The following ACACB variants were observed in gnomAD, a reference collection of about 807,000 sequenced individuals.
ACACB encodes acetyl-CoA carboxylase beta.
In ACACB, 209 loss-of-function variants were observed where a neutral mutation model predicts 278.8. The ratio of observed to expected loss-of-function variants is 0.75; its 90% CI spans 0.67 to 0.84. ACACB has a LOEUF of 0.84. Among genes scored for constraint, ACACB ranks in the 40% least tolerant of loss-of-function variants. ACACB has a pLI of 0.00. For synonymous variants in ACACB, 1,174 were observed against 1,285.6 expected (o/e 0.91, Z 1.86); for missense variants, 2,850 against 3,269.0 (o/e 0.87, Z 3.13).
chr12:109,167,258 GA>G, intron 3 of ACACB: 1 of 391,598 alleles, frequency 2.6e-6, no homozygotes, highest in South Asian at 3.3e-5. Flanking sequence ...TGTTAAGGGT[GA>G]TCACAATGAC....
In ACACB at chr12:109,249,587, G is replaced by A. The variant is rs370589721; in HGVS notation, c.5670-397G>A. The A allele has an allele frequency of 2.2e-3, 346 of 155,544 alleles. 1 individual carries two copies. Among genetic ancestry groups the A allele is most frequent in the African/African-American group, 8.1e-3 (336 of 41,558 alleles). 9.6% of individuals were successfully genotyped at this position (155,544 alleles called of 1,614,324 possible). On this transcript the variant is annotated intron_variant, in intron 40 of 52. Transcript: ENST00000338432. ...GCTCACTGCAACCTCCACTTCCCAG[G>A]TTCAAGCGATTCTTCTGCCTCAGCT...
chr12:109,221,660 C>A (rs1403898429), intron 24 of ACACB, among the ~76,000 whole-genome samples: 1 of 152,072 alleles, frequency 6.6e-6, no homozygotes, highest in Non-Finnish European at 1.5e-5. Context: ...GCTTTGGGGG[C>A]AGAATAGTGC....
At chr12:109,156,049 G>A (rs1428849472) in intron 2 of ACACB, among the ~76,000 whole-genome samples, 2 of 152,048 alleles carry the variant, frequency 1.3e-5, no homozygotes. Context: ...CCTTTAAATG[G>A]GTGCACCTTA....
intron 2 of ACACB, 141 bp downstream of exon 2, chr12:109,140,199 C>T (rs1263263686): frequency 1.4e-5 from 10 of 693,628 alleles, no homozygotes; most frequent in Non-Finnish European, 2.1e-5. Flanking sequence ...GGAGAAGACA[C>T]GAGCCTTCTC....
At chr12:109,158,934 C>T (rs570414083) in intron 2 of ACACB, among the ~76,000 whole-genome samples, 29 of 152,186 alleles carry the variant, frequency 1.9e-4, no homozygotes, top group African/African-American at 5.8e-4. Context: ...GAGATCACAC[C>T]GCTGCACTCC....
At chr12:109,200,624 T>G (rs2045303691) in intron 18 of ACACB, among the ~76,000 whole-genome samples, 1 of 152,120 alleles carries the variant, frequency 6.6e-6, no homozygotes, top group African/African-American at 2.4e-5. Context: ...ATTTTACTGA[T>G]CTTTATTTTT....
At chr12:109,215,203 A>G (rs1441318130) in intron 22 of ACACB, among the ~76,000 whole-genome samples, 1 of 152,034 alleles carries the variant, frequency 6.6e-6, no homozygotes, top group Non-Finnish European at 1.5e-5. Context: ...TGGGTAAGTA[A>G]TTGAAAAATT....
chr12:109,148,064 G>C (rs1565863234), intron 2 of ACACB, among the ~76,000 whole-genome samples: 1 of 152,152 alleles, frequency 6.6e-6, no homozygotes, highest in East Asian at 1.9e-4. Flanking sequence ...GGCTGGCTGA[G>C]AATATGAATC....
At position 109,176,169 on chromosome 12, in the gene ACACB, G is replaced by C. The variant is rs1268989078; in HGVS notation, c.1343G>C (p.Gly448Ala). ...DEGLEAAERI[G>A]FPLMIKASEG... ...TGCACCCAGGCAGCAGAAAGAATTG[G>C]TTTTCCATTGATGATCAAAGCTTCT... is the stretch of plus-strand genomic sequence containing the variant. Residue 448 changes from glycine (G) to alanine (A), a missense_variant, in exon 9 of 53, where the codon GGT (glycine) becomes GCT (alanine). Gly to Ala is a moderately conservative substitution (Grantham distance 60, BLOSUM62 0). Around this residue, in one of 3 missense-constraint regions of ACACB, gnomAD observed 2,265 missense variants for 2,561.3 expected, o/e 0.88. Transcript: ENST00000338432. The C allele has an allele frequency of 1.9e-6, 3 of 1,614,092 alleles. No individual in the cohort carries two copies. The highest frequency in any genetic ancestry group is 2.5e-6 in the Non-Finnish European group (3 of 1,180,064).
chr12:109,220,613 G>A (rs370512027), intron 24 of ACACB, among the ~76,000 whole-genome samples: 2 of 152,094 alleles, frequency 1.3e-5, no homozygotes, highest in Admixed American at 1.3e-4. Flanking sequence ...GTGCAGTGGC[G>A]CAATCTCGGC....
At chr12:109,123,042 G>T (rs972079531) in intron 1 of ACACB, among the ~76,000 whole-genome samples, 1 of 151,938 alleles carries the variant, frequency 6.6e-6, no homozygotes, top group Non-Finnish European at 1.5e-5. Context: ...TTAGCCGGGC[G>T]TGGTGGCAGG....
At chr12:109,249,524 C>G (rs572916762) in intron 40 of ACACB, 1 of 152,496 alleles carries the variant, frequency 6.6e-6, no homozygotes, top group Non-Finnish European at 1.5e-5. Flanking sequence ...CAGAATCCCG[C>G]TCTGTCACCC....
chr12:109,199,570 C>A lies in ACACB; in HGVS notation c.2778+18C>A. 1 of 1,420,154 alleles carries A rather than the reference C, an allele frequency of 7.0e-7. No homozygotes were observed. The highest frequency in any genetic ancestry group is 9.3e-7 in the Non-Finnish European group (1 of 1,076,932). The allele number at this position is 1,420,154 out of a possible 1,614,324, so 88.0% of individuals were successfully genotyped here. A position where few individuals can be genotyped will look rare whatever the true frequency, so the allele number is the denominator to read the frequency against. On this transcript the variant is annotated intron_variant, in intron 18 of 52. Transcript: ENST00000338432. The stretch of plus-strand genomic sequence containing the variant: ...AGATGGAGGTGACTGCAGAGCCGGC[C>A]GTGGGGAATCCTGAACCCTCAAACT...
chr12:109,256,289 G>A lies in ACACB; in HGVS notation c.6263+53G>A, dbSNP rs116205870. ...CCATGTCTGACTCACCAGGCATTGG[G>A]GCCCCGAGGTGTGAGGCCAGGGACC... is the stretch of plus-strand genomic sequence containing the variant. On this transcript the variant is annotated intron_variant, in intron 45 of 52. Transcript: ENST00000338432. 2,501 of 1,524,584 alleles carry A rather than the reference G, an allele frequency of 1.6e-3. 32 individuals carry two copies. The African/African-American group carries it at 0.027, about 16-fold the overall frequency. 94.4% of individuals were successfully genotyped at this position (1,524,584 alleles called of 1,614,324 possible).
At position 109,206,971 on chromosome 12, in the gene ACACB, T is replaced by G. The variant is rs532801454; in HGVS notation, c.3060+115T>G. On this transcript the variant is annotated intron_variant, in intron 20 of 52. Transcript: ENST00000338432. Reference sequence around the variant, plus strand: ...AATGAGAAAATGGTCGGTCCTCTGTTGTTTTTATTTTATTTATTTTATTTT... The same window carrying G: ...AATGAGAAAATGGTCGGTCCTCTGTGGTTTTTATTTTATTTATTTTATTTT... 3 of 1,237,220 alleles carry G rather than the reference T, an allele frequency of 2.4e-6. No homozygotes were observed. In the African/African-American group the frequency reaches 4.6e-5, roughly 19 times the overall value. The allele number at this position is 1,237,220 out of a possible 1,614,324, so 76.6% of individuals were successfully genotyped here.
intron 16 of ACACB, among the ~76,000 whole-genome samples, chr12:109,194,282 A>G (rs1455194388): frequency 6.6e-6 from 1 of 151,972 alleles, no homozygotes; most frequent in Non-Finnish European, 1.5e-5. Flanking sequence ...TGCAACCTCC[A>G]TCTCCCAGGT....
chr12:109,265,290 G>C lies in ACACB; in HGVS notation c.7113+10G>C, dbSNP rs1005842481. 6.2e-7 allele frequency: 1 copy of C among 1,612,322 alleles called. No homozygotes were observed. The highest frequency in any genetic ancestry group is 1.3e-5 in the African/African-American group (1 of 74,912). ...GGAGGGGGCTGTCAAGGTGGGCCTG[G>C]GGTGAGAACGAGGCCGGTGAGCACA... On this transcript the variant is annotated intron_variant, in intron 51 of 52. Transcript: ENST00000338432.
chr12:109,228,335 C>CA lies in ACACB; in HGVS notation c.4001+858dup, dbSNP rs565975318. Reference sequence around the variant, plus strand: ...TGGGTGACAGAGCAAGAGTCCATCTCAAAAAAAAAAAAGAGAAAAAACAAA... The same window carrying CA: ...TGGGTGACAGAGCAAGAGTCCATCTCAAAAAAAAAAAAAGAGAAAAAACAAA... On this transcript the variant is annotated intron_variant, in intron 28 of 52. Coordinates refer to ENST00000338432, the MANE Select transcript of ACACB (RefSeq NM_001093.4). Among the ~76,000 whole-genome samples the CA allele has an allele frequency of 7.1e-3, 890 of 125,880 alleles. 4 individuals are homozygous for CA. The highest frequency in any genetic ancestry group is 0.018 in the African/African-American group (601 of 33,996). The allele number at this position is 125,880 out of a possible 152,430, so 82.6% of individuals were successfully genotyped here.
Position 109,264,230 on chromosome 12 carries a change from A to T in ACACB, c.6788-2A>T. 1 of 1,613,714 alleles carries T rather than the reference A, an allele frequency of 6.2e-7. No individual in the cohort carries two copies. Among genetic ancestry groups the T allele is most frequent in the Non-Finnish European group, 8.5e-7 (1 of 1,179,866 alleles). On this transcript the variant is annotated splice_acceptor_variant, in intron 49 of 52. Transcript: ENST00000338432. LOFTEE classifies it high-confidence loss of function. ...TTGACTGGCCTTTCTGCTCACCTGC[A>T]GGGGAACCTGATCTCTCCGACAAGG...
Sources: gnomAD v4.1 joint callset for allele counts (sites outside exome capture counted in the v4.1 genomes callset) on GRCh38, gnomAD v4.1.1 for gene constraint, gnomAD v4.1.1 regional missense constraint, MANE v1.5 for transcripts, NCBI Gene and HGNC (gene_info 2026-07-23, HGNC 2026-07-21) for gene names.